KCNQ1: variants seen among roughly 807,000 people sequenced by gnomAD.
The protein encoded by KCNQ1 is potassium voltage-gated channel subfamily KQT member 1.
KCNQ1 carries 49 observed loss-of-function variants against 72.4 expected under a neutral mutation model. The ratio of observed to expected loss-of-function variants is 0.68; its 90% CI spans 0.54 to 0.86. The LOEUF (loss-of-function observed/expected upper bound fraction) is 0.86, where lower values mean the gene tolerates loss of function less well. Among genes scored for constraint, KCNQ1 ranks in the 40% least tolerant of loss-of-function variants. The pLI is 0.00. For synonymous variants in KCNQ1, 450 were observed against 412.6 expected (o/e 1.09, Z -1.10); for missense variants, 790 against 945.1 (o/e 0.84, Z 2.15).
rs1850205074 is a variant in KCNQ1 at position 2,672,525 on chromosome 11, A to G, written c.1514+10444A>G. 3 of 398,516 alleles carry G rather than the reference A, an allele frequency of 7.5e-6. No homozygotes were observed. In the Admixed American group the frequency reaches 1.3e-4, roughly 18 times the overall value. 24.7% of individuals were successfully genotyped at this position (398,516 alleles called of 1,614,324 possible). ...GAGCTCTGTGCTCCCAGGCCTCTCC[A>G]TTACCAGCCTGTCTTCCACATTGGA... On this transcript the variant is annotated intron_variant, in intron 11 of 15. Coordinates refer to ENST00000155840, the MANE Select transcript of KCNQ1 (RefSeq NM_000218.3).
Position 2,620,023 on chromosome 11 carries a change from C to A in KCNQ1, c.1393+31169C>A, listed in dbSNP as rs1849139247. On this transcript the variant is annotated intron_variant, in intron 10 of 15. Transcript: ENST00000155840. This position sits in a 1 kb window ranked among gnomAD's most constrained non-coding sequence, Gnocchi z 4.5. The stretch of plus-strand genomic sequence containing the variant: ...TTTTCAGCCCACCTCTCCATTCCTC[C>A]CCCAAGTAGTCCCCAGTGTCTACTG... The A allele has an allele frequency of 2.5e-6, 1 of 397,996 alleles. No homozygotes were observed. Among genetic ancestry groups the A allele is most frequent in the South Asian group, 1.3e-4 (1 of 7,826 alleles). 24.7% of individuals were successfully genotyped at this position (397,996 alleles called of 1,614,324 possible).
At position 2,464,449 on chromosome 11, in the gene KCNQ1, T is replaced by C. The variant is rs1257341757; in HGVS notation, c.386+18965T>C. Reference sequence around the variant, plus strand: ...TCTGGCATCGCATGGATGAGAACTCTGAATGAATTGAGTGTGATTTGACCT... The same window carrying C: ...TCTGGCATCGCATGGATGAGAACTCCGAATGAATTGAGTGTGATTTGACCT... On this transcript the variant is annotated intron_variant, in intron 1 of 15. Transcript: ENST00000155840. This position sits in a 1 kb window ranked among gnomAD's most constrained non-coding sequence, Gnocchi z 5.0. Among the ~76,000 whole-genome samples the C allele has an allele frequency of 1.3e-5, 2 of 152,182 alleles. No homozygotes were observed. The highest frequency in any genetic ancestry group is 2.9e-5 in the Non-Finnish European group (2 of 68,032).
At chr11:2,530,926 C>T (rs1018239815) in intron 2 of KCNQ1, among the ~76,000 whole-genome samples, 31 of 152,272 alleles carry the variant, frequency 2.0e-4, no homozygotes, top group Admixed American at 1.8e-3. Context: ...CCATCCCTCA[C>T]GTACTAACCT....
intron 10 of KCNQ1, chr11:2,649,066 C>A (rs1849717234): frequency 3.4e-6 from 1 of 296,448 alleles, no homozygotes; most frequent in Admixed American, 7.6e-5. Flanking sequence ...TGTGGAATAT[C>A]TTTTTCTATC....
rs547672320 is a variant in KCNQ1 at position 2,514,475 on chromosome 11, C to T, written c.387-13453C>T. On this transcript the variant is annotated intron_variant, in intron 1 of 15. Coordinates refer to ENST00000155840, the MANE Select transcript of KCNQ1 (RefSeq NM_000218.3). ...TCCATTTCCAGGGACACCCAGTGTT[C>T]TCTGTAGTGGGTAGGAGGTTTCCCT... Among the ~76,000 whole-genome samples, 7 of 152,334 alleles carry T rather than the reference C, an allele frequency of 4.6e-5. No individual in the cohort carries two copies. The East Asian group carries it at 1.2e-3, about 25-fold the overall frequency.
At chr11:2,504,297 T>C (rs1847063378) in intron 1 of KCNQ1, among the ~76,000 whole-genome samples, 1 of 151,526 alleles carries the variant, frequency 6.6e-6, no homozygotes, top group African/African-American at 2.4e-5. Context: ...GAACTCGAGA[T>C]AGAGTAAAAG....
In KCNQ1 at chr11:2,786,073, A is replaced by C. The variant is rs1047518159; in HGVS notation, c.1794+8036A>C. ...TCATTTGTTATTTCTTTTTTATCTC[A>C]GATCTTACATCTGGGATTACCTTTT... is the stretch of plus-strand genomic sequence containing the variant. On this transcript the variant is annotated intron_variant, in intron 15 of 15. Transcript: ENST00000155840. Among the ~76,000 whole-genome samples the C allele has an allele frequency of 2.6e-5, 4 of 152,068 alleles. No individual in the cohort carries two copies. The East Asian group carries it at 7.7e-4, about 29-fold the overall frequency.
At position 2,749,641 on chromosome 11, in the gene KCNQ1, C is replaced by CAAAA. The variant is rs35701102; in HGVS notation, c.1515-19184_1515-19181dup. Among the ~76,000 whole-genome samples, 445 of 87,054 alleles carry CAAAA rather than the reference C, an allele frequency of 5.1e-3. 6 individuals are homozygous for CAAAA. The highest frequency in any genetic ancestry group is 0.015 in the African/African-American group (388 of 26,290). The allele number at this position is 87,054 out of a possible 152,430, so 57.1% of individuals were successfully genotyped here. A position where few individuals can be genotyped will look rare whatever the true frequency, so the allele number is the denominator to read the frequency against. On this transcript the variant is annotated intron_variant, in intron 11 of 15. Coordinates refer to ENST00000155840, the MANE Select transcript of KCNQ1 (RefSeq NM_000218.3). Reference sequence around the variant, plus strand: ...CGAAACCCTGTCTCTACTAAAAATACAAAAAAAAAAAAAAAAAAAAAATTG... The same window carrying CAAAA: ...CGAAACCCTGTCTCTACTAAAAATACAAAAAAAAAAAAAAAAAAAAAAAAAATTG...
intron 15 of KCNQ1, among the ~76,000 whole-genome samples, chr11:2,821,585 C>T (rs1042936246): frequency 6.6e-6 from 1 of 152,142 alleles, no homozygotes; most frequent in Admixed American, 6.5e-5. Context: ...GTCCCCTTCC[C>T]CACGTGGTAA....
chr11:2,810,943 C>T (rs1847473144), intron 15 of KCNQ1, among the ~76,000 whole-genome samples: 2 of 152,248 alleles, frequency 1.3e-5, no homozygotes, highest in Admixed American at 6.5e-5. Context: ...TGCTCAGCCC[C>T]TTCCCATCGT....
intron 15 of KCNQ1, among the ~76,000 whole-genome samples, chr11:2,797,211 C>T (rs1485793947): frequency 1.3e-5 from 2 of 152,152 alleles, no homozygotes; most frequent in Non-Finnish European, 2.9e-5. Context: ...GTGCTGGGGG[C>T]TGGGCCACGG....
intron 10 of KCNQ1, chr11:2,655,437 C>A (rs1849828719): frequency 5.0e-6 from 2 of 398,720 alleles, no homozygotes; most frequent in Non-Finnish European, 8.8e-6. Flanking sequence ...CCACTCTAGG[C>A]AGTTCAGCAA....
At chr11:2,527,192 G>A (rs573862801) in intron 1 of KCNQ1, among the ~76,000 whole-genome samples, 19 of 152,324 alleles carry the variant, frequency 1.2e-4, no homozygotes, top group African/African-American at 3.1e-4. Context: ...TGAGTTCTGT[G>A]GCTCGGCCTC....
rs1194369377 is a variant in KCNQ1 at position 2,715,795 on chromosome 11, C to T, written c.1515-53049C>T. ...TGTGAGGGTTGACCAGCTGGAGCAG[C>T]CCCGCATCCCACATCCCCGCAGCCT... On this transcript the variant is annotated intron_variant, in intron 11 of 15. Coordinates refer to ENST00000155840, the MANE Select transcript of KCNQ1 (RefSeq NM_000218.3). This position sits in a 1 kb window ranked among gnomAD's most constrained non-coding sequence, Gnocchi z 4.9. 6.6e-6 allele frequency among the ~76,000 whole-genome samples: 1 copy of T among 152,224 alleles called. No homozygotes were observed. Among genetic ancestry groups the T allele is most frequent in the East Asian group, 1.9e-4 (1 of 5,184 alleles).
At position 2,817,299 on chromosome 11, in the gene KCNQ1, A is replaced by G. The variant is rs1847635288; in HGVS notation, c.1795-30468A>G. Among the ~76,000 whole-genome samples, 1 of 152,164 alleles carries G rather than the reference A, an allele frequency of 6.6e-6. No individual in the cohort carries two copies. The highest frequency in any genetic ancestry group is 6.5e-5 in the Admixed American group (1 of 15,282). On this transcript the variant is annotated intron_variant, in intron 15 of 15. Transcript: ENST00000155840. The surrounding 1 kb of genome is among the most constrained non-coding windows in gnomAD (Gnocchi z 6.1). The stretch of plus-strand genomic sequence containing the variant: ...AGATGTTTTTAACTACGTTGGACAG[A>G]ACCCACGGCGGCCCTTTCCGTGGCT...
intron 10 of KCNQ1, chr11:2,615,695 C>T (rs578138141): frequency 2.5e-6 from 1 of 398,020 alleles, no homozygotes; most frequent in East Asian, 3.6e-5. Context: ...GATTGATACT[C>T]TTGTACTGAA....
chr11:2,665,245 C>T, intron 11 of KCNQ1: 1 of 398,578 alleles, frequency 2.5e-6, no homozygotes, highest in Non-Finnish European at 4.4e-6. Flanking sequence ...CAAGAGAGTC[C>T]CTGCCAGCCT....
intron 11 of KCNQ1, chr11:2,693,019 G>A: frequency 2.5e-6 from 1 of 398,648 alleles, no homozygotes; most frequent in Non-Finnish European, 4.4e-6. Context: ...CTCAGTGAAG[G>A]AACAGGAAGT....
At chr11:2,460,356 G>C (rs1365158579) in intron 1 of KCNQ1, among the ~76,000 whole-genome samples, 2 of 152,236 alleles carry the variant, frequency 1.3e-5, no homozygotes, top group African/African-American at 4.8e-5. Flanking sequence ...GTGGCTGGTG[G>C]AGGGCAGCAA....
Sources: gnomAD v4.1 joint callset for allele counts (sites outside exome capture counted in the v4.1 genomes callset) on GRCh38, gnomAD v4.1.1 for gene constraint, Gnocchi (gnomAD v3.1) non-coding constraint, MANE v1.5 for transcripts, NCBI Gene and HGNC (gene_info 2026-07-23, HGNC 2026-07-21) for gene names.